PRICKLE1: variants seen among roughly 807,000 people sequenced by gnomAD.
The protein encoded by PRICKLE1 is prickle planar cell polarity protein 1.
A neutral mutation model predicts 70.2 loss-of-function variants in PRICKLE1; 14 were observed. That is an observed-to-expected ratio of 0.20 (90% confidence interval 0.13 to 0.31). PRICKLE1 has a LOEUF of 0.31. PRICKLE1 is among the 10% of genes least tolerant of loss of function. The pLI, the probability that PRICKLE1 is intolerant of heterozygous loss-of-function variation, is 1.00. For synonymous variants in PRICKLE1, 357 were observed against 379.9 expected (o/e 0.94, Z 0.70); for missense variants, 821 against 1,026.2 (o/e 0.80, Z 2.73).
At chr12:42,506,844 T>A (rs1469866821) in intron 1 of PRICKLE1, among the ~76,000 whole-genome samples, 1 of 152,106 alleles carries the variant, frequency 6.6e-6, no homozygotes, top group Admixed American at 6.6e-5. Context: ...GTGTTGGGAT[T>A]ACAGGTGTGA....
At chr12:42,465,633 C>G (rs1218392710) in intron 6 of PRICKLE1, 1 of 281,534 alleles carries the variant, frequency 3.6e-6, no homozygotes, top group African/African-American at 2.2e-5. Flanking sequence ...CATTTTTGTG[C>G]TCTTTGTTGG....
At position 42,458,094 on chromosome 12, in the gene PRICKLE1, C is replaced by T. The variant is rs1459142716; in HGVS notation, c.*1715G>A. On this transcript the variant is annotated 3_prime_UTR_variant, in exon 8 of 8. Transcript: ENST00000345127. ...CAAACCCTTGTGTGGGACGGCTGTC[C>T]ACCTACTACTCGCTGGTTTACCCAT... 6.6e-6 allele frequency: 1 copy of T among 152,188 alleles called. No individual in the cohort carries two copies. Among genetic ancestry groups the T allele is most frequent in the Non-Finnish European group, 1.5e-5 (1 of 68,056 alleles). The allele number at this position is 152,188 out of a possible 1,614,324, so 9.4% of individuals were successfully genotyped here. A position where few individuals can be genotyped will look rare whatever the true frequency, so the allele number is the denominator to read the frequency against.
intron 1 of PRICKLE1, among the ~76,000 whole-genome samples, chr12:42,534,897 A>G (rs551828487): frequency 6.6e-6 from 1 of 152,370 alleles, no homozygotes; most frequent in East Asian, 1.9e-4. Flanking sequence ...AAATATGTAT[A>G]GTGTGCTGCA....
chr12:42,499,910 A>G (rs1939276273), intron 1 of PRICKLE1, among the ~76,000 whole-genome samples: 1 of 148,730 alleles, frequency 6.7e-6, no homozygotes, highest in South Asian at 2.1e-4. Context: ...GTAGTTTTTT[A>G]TTCTTATTTT....
At chr12:42,474,484 T>C (rs1593118372) in intron 1 of PRICKLE1, among the ~76,000 whole-genome samples, 1 of 152,220 alleles carries the variant, frequency 6.6e-6, no homozygotes, top group African/African-American at 2.4e-5. Context: ...GAAGTGAAGA[T>C]GACCTCATTT....
intron 1 of PRICKLE1, among the ~76,000 whole-genome samples, chr12:42,586,774 C>CAAGTAATTATAAGAGATTTTA (rs1363616406): frequency 1.3e-5 from 2 of 152,110 alleles, no homozygotes; most frequent in African/African-American, 2.4e-5. Flanking sequence ...ATTTTGCTTT[C>CAAGTAATTATAAGAGATTTTA]AAGTAATTAT....
chr12:42,537,694 T>C (rs902672704), intron 1 of PRICKLE1, among the ~76,000 whole-genome samples: 1 of 152,168 alleles, frequency 6.6e-6, no homozygotes, highest in Non-Finnish European at 1.5e-5. Context: ...TTCTGAATAT[T>C]TCATATGTGC....
chr12:42,583,666 A>C (rs1387014538), intron 1 of PRICKLE1, among the ~76,000 whole-genome samples: 1 of 152,252 alleles, frequency 6.6e-6, no homozygotes, highest in Non-Finnish European at 1.5e-5. Context: ...GGCATTTACA[A>C]ATTTGGGTTA....
intron 1 of PRICKLE1, among the ~76,000 whole-genome samples, chr12:42,557,451 A>C (rs947315268): frequency 1.3e-5 from 2 of 152,178 alleles, no homozygotes; most frequent in African/African-American, 2.4e-5. Context: ...ATTTGTGTAC[A>C]AGAGCAGCAG....
chr12:42,577,525 G>T (rs576769952), intron 1 of PRICKLE1, among the ~76,000 whole-genome samples: 1 of 152,266 alleles, frequency 6.6e-6, no homozygotes, highest in South Asian at 2.1e-4. Flanking sequence ...TTTGGGTGGT[G>T]AGAATGATGA....
intron 1 of PRICKLE1, among the ~76,000 whole-genome samples, chr12:42,551,457 A>T (rs1417221837): frequency 2.0e-5 from 3 of 152,208 alleles, no homozygotes; most frequent in Non-Finnish European, 1.5e-5. Context: ...TACTAACTGC[A>T]GTTCTGCTAG....
At chr12:42,470,863 G>A (rs190307732) in intron 2 of PRICKLE1, among the ~76,000 whole-genome samples, 80 of 150,530 alleles carry the variant, frequency 5.3e-4, no homozygotes, top group South Asian at 6.3e-4. Flanking sequence ...CCAAGATCGC[G>A]CCACTGCACT....
intron 1 of PRICKLE1, among the ~76,000 whole-genome samples, chr12:42,534,646 G>A (rs900637263): frequency 6.6e-6 from 1 of 152,136 alleles, no homozygotes; most frequent in African/African-American, 2.4e-5. Flanking sequence ...CTTGAAAAGG[G>A]CAGAGCAGGG....
chr12:42,588,118 T>A (rs1941012782), intron 1 of PRICKLE1, among the ~76,000 whole-genome samples: 1 of 152,284 alleles, frequency 6.6e-6, no homozygotes, highest in Non-Finnish European at 1.5e-5. Flanking sequence ...AAAGGGCCAG[T>A]TGTCACCTAA....
intron 1 of PRICKLE1, among the ~76,000 whole-genome samples, chr12:42,496,155 A>G (rs1416158503): frequency 6.6e-6 from 1 of 152,260 alleles, no homozygotes; most frequent in Non-Finnish European, 1.5e-5. Context: ...GAGCTGCAGA[A>G]TGGATGTTGT....
At chr12:42,583,638 A>AG (rs1319537508) in intron 1 of PRICKLE1, among the ~76,000 whole-genome samples, 1 of 152,230 alleles carries the variant, frequency 6.6e-6, no homozygotes, top group Non-Finnish European at 1.5e-5. Flanking sequence ...CTGTCTCTAC[A>AG]GGGGCTACAT....
chr12:42,555,177 G>A (rs1940394054), intron 1 of PRICKLE1, among the ~76,000 whole-genome samples: 1 of 152,034 alleles, frequency 6.6e-6, no homozygotes. Context: ...GGTGGTGCAC[G>A]CCTGTAATCC....
intron 4 of PRICKLE1, 33 bp downstream of exon 4, chr12:42,469,417 C>A: frequency 6.2e-7 from 1 of 1,613,114 alleles, no homozygotes; most frequent in Non-Finnish European, 8.5e-7. Flanking sequence ...ACATCACTGC[C>A]ACAAGCTACG....
At chr12:42,479,947 T>G (rs1450212791) in intron 1 of PRICKLE1, among the ~76,000 whole-genome samples, 2 of 150,674 alleles carry the variant, frequency 1.3e-5, no homozygotes, top group Non-Finnish European at 3.0e-5. Flanking sequence ...AGAGCGAAAC[T>G]CCATCTTAAA....
Sources: allele counts gnomAD v4.1 joint callset (sites outside exome capture counted in the v4.1 genomes callset), GRCh38; gene constraint gnomAD v4.1.1; transcripts MANE v1.5; gene names NCBI Gene and HGNC (gene_info 2026-07-23, HGNC 2026-07-21).